Variants in ALCAM observed in about 807,000 individuals in gnomAD.
ALCAM encodes activated leukocyte cell adhesion molecule.
A neutral mutation model predicts 70.9 loss-of-function variants in ALCAM; 30 were observed. That is an observed-to-expected ratio of 0.42 (90% CI 0.32 to 0.57). ALCAM has a LOEUF of 0.57. Ranked by LOEUF, ALCAM falls within the 20% of genes least tolerant of loss-of-function variation. The pLI, the probability that ALCAM is intolerant of heterozygous loss-of-function variation, is 0.11. For synonymous variants in ALCAM, 249 were observed against 242.5 expected (o/e 1.03, Z -0.25); for missense variants, 591 against 695.1 (o/e 0.85, Z 1.68).
chr3:105,510,436 G>A (rs974775451), intron 1 of ALCAM, among the ~76,000 whole-genome samples: 1 of 152,068 alleles, frequency 6.6e-6, no homozygotes, highest in Non-Finnish European at 1.5e-5. Flanking sequence ...TGGCAGTTGG[G>A]TAAGTTATGT....
At chr3:105,522,211 A>T (rs561270913) in intron 2 of ALCAM, among the ~76,000 whole-genome samples, 60 of 152,306 alleles carry the variant, frequency 3.9e-4, no homozygotes, top group African/African-American at 1.3e-3. Context: ...CAATTTTCAA[A>T]TTTTTAGTTC....
chr3:105,401,387 A>G (rs112672764), intron 1 of ALCAM, among the ~76,000 whole-genome samples: 1,910 of 152,358 alleles, frequency 0.013, 22 homozygotes, highest in Non-Finnish European at 0.019. Flanking sequence ...GGAGCAGCAC[A>G]GTAGAGGAGC....
intron 6 of ALCAM, among the ~76,000 whole-genome samples, chr3:105,536,389 C>T (rs578152429): frequency 2.6e-5 from 4 of 152,170 alleles, no homozygotes; most frequent in Admixed American, 1.3e-4. Flanking sequence ...CCACCAAGCC[C>T]GGCCCAGAAT....
chr3:105,456,959 T>G (rs1348687429), intron 1 of ALCAM, among the ~76,000 whole-genome samples: 2 of 152,170 alleles, frequency 1.3e-5, no homozygotes, highest in African/African-American at 4.8e-5. Flanking sequence ...CATGCAAAGT[T>G]TAAACTGTTT....
At chr3:105,558,467 C>A (rs572825669) in intron 14 of ALCAM, among the ~76,000 whole-genome samples, 2 of 152,140 alleles carry the variant, frequency 1.3e-5, no homozygotes, top group South Asian at 4.2e-4. Context: ...ACTGGCTGCA[C>A]CTACCACTGT....
chr3:105,496,917 A>G (rs561683792), intron 1 of ALCAM, among the ~76,000 whole-genome samples: 2 of 151,878 alleles, frequency 1.3e-5, no homozygotes, highest in South Asian at 4.2e-4. Flanking sequence ...GCAATGAAGA[A>G]GTGTAATAAA....
intron 1 of ALCAM, among the ~76,000 whole-genome samples, chr3:105,497,802 C>G (rs189239927): frequency 6.6e-6 from 1 of 151,980 alleles, no homozygotes; most frequent in Non-Finnish European, 1.5e-5. Context: ...GAGGCCGAGG[C>G]GGGCGGATCA....
At chr3:105,542,501 C>G (rs1474447329) in intron 8 of ALCAM, among the ~76,000 whole-genome samples, 1 of 151,744 alleles carries the variant, frequency 6.6e-6, no homozygotes, top group Non-Finnish European at 1.5e-5. Context: ...CCTGGTGACA[C>G]TAGAATTCAG....
At chr3:105,404,264 A>G (rs1477806390) in intron 1 of ALCAM, among the ~76,000 whole-genome samples, 1 of 152,184 alleles carries the variant, frequency 6.6e-6, no homozygotes, top group African/African-American at 2.4e-5. Flanking sequence ...TTGCAAAAAG[A>G]TCATTGACTA....
intron 1 of ALCAM, among the ~76,000 whole-genome samples, chr3:105,502,634 C>A (rs866429731): frequency 7.2e-5 from 11 of 152,230 alleles, no homozygotes; most frequent in South Asian, 2.1e-4. Context: ...ACATCAGAGA[C>A]TGCTATCTCT....
intron 14 of ALCAM, 119 bp from the exon 15 acceptor site, chr3:105,571,733 T>G (rs565226309): frequency 9.5e-6 from 7 of 738,698 alleles, no homozygotes; most frequent in Non-Finnish European, 1.5e-5. Flanking sequence ...AATTTTTGCC[T>G]AGCGGTTTGC....
intron 1 of ALCAM, among the ~76,000 whole-genome samples, chr3:105,392,361 C>T (rs1190890557): frequency 7.3e-5 from 11 of 151,490 alleles, no homozygotes; most frequent in South Asian, 4.2e-4. Flanking sequence ...ATTTGCATAA[C>T]GGTGTTTATT....
At position 105,547,101 on chromosome 3, in the gene ALCAM, AG is replaced by A. The variant is rs749452832; in HGVS notation, c.1105-47del. The A allele has an allele frequency of 8.2e-5, 119 of 1,455,840 alleles. 1 individual carries two copies. The East Asian group carries it at 2.2e-3, about 27-fold the overall frequency. 90.2% of individuals were successfully genotyped at this position (1,455,840 alleles called of 1,614,324 possible). Reference sequence around the variant, plus strand: ...TAATTATTATCTAATAAATACACTGAGAATTTTAATTCTGCCACATGAGGTA... The same window carrying A: ...TAATTATTATCTAATAAATACACTGAAATTTTAATTCTGCCACATGAGGTA... On this transcript the variant is annotated intron_variant, in intron 9 of 15. Coordinates refer to ENST00000306107, the MANE Select transcript of ALCAM (RefSeq NM_001627.4).
intron 4 of ALCAM, among the ~76,000 whole-genome samples, chr3:105,532,567 C>T (rs576974751): frequency 6.6e-6 from 1 of 152,024 alleles, no homozygotes; most frequent in Non-Finnish European, 1.5e-5. Context: ...CATGTTTGCA[C>T]CATTGCATTC....
intron 1 of ALCAM, among the ~76,000 whole-genome samples, chr3:105,416,685 A>G (rs1342678930): frequency 6.6e-6 from 1 of 151,816 alleles, no homozygotes; most frequent in Non-Finnish European, 1.5e-5. Flanking sequence ...ACACATCTTC[A>G]CTCATCTTAT....
At chr3:105,414,097 A>G (rs928718011) in intron 1 of ALCAM, among the ~76,000 whole-genome samples, 3 of 152,086 alleles carry the variant, frequency 2.0e-5, no homozygotes, top group Non-Finnish European at 2.9e-5. Flanking sequence ...CAGTAAAAGT[A>G]TATGAAGAAA....
chr3:105,568,564 T>G (rs1275367808), intron 14 of ALCAM, among the ~76,000 whole-genome samples: 1 of 152,226 alleles, frequency 6.6e-6, no homozygotes, highest in Non-Finnish European at 1.5e-5. Flanking sequence ...ACTAAGCTCT[T>G]TGAAATTTCT....
At chr3:105,551,889 C>T (rs934767371) in intron 12 of ALCAM, among the ~76,000 whole-genome samples, 1 of 151,340 alleles carries the variant, frequency 6.6e-6, no homozygotes, top group Non-Finnish European at 1.5e-5. Flanking sequence ...CAGATTAATT[C>T]TATAGGTCAT....
At chr3:105,405,477 A>G (rs114628026) in intron 1 of ALCAM, among the ~76,000 whole-genome samples, 2,169 of 152,186 alleles carry the variant, frequency 0.014, 37 homozygotes, top group African/African-American at 0.048. Context: ...TACTCCACTG[A>G]CAGCACCAGA....
Sources: allele counts gnomAD v4.1 joint callset (sites outside exome capture counted in the v4.1 genomes callset), GRCh38; gene constraint gnomAD v4.1.1; transcripts MANE v1.5; gene names NCBI Gene and HGNC (gene_info 2026-07-23, HGNC 2026-07-21).